Variants in CA8 observed in about 807,000 individuals in gnomAD.
The protein encoded by CA8 is carbonic anhydrase-related protein.
In CA8, 22 loss-of-function variants were observed where a neutral mutation model predicts 41.4. The observed-to-expected ratio is 0.53, with a 90% CI of 0.38 to 0.76. The LOEUF (loss-of-function observed/expected upper bound fraction) is 0.76, where lower values mean the gene tolerates loss of function less well. Among genes scored for constraint, CA8 ranks in the 30% least tolerant of loss-of-function variants. The probability of loss-of-function intolerance (pLI) is 0.00; values close to 1 mark genes in which losing one functional copy is unlikely to be tolerated. For synonymous variants in CA8, 121 were observed against 130.6 expected (o/e 0.93, Z 0.50); for missense variants, 270 against 352.8 (o/e 0.77, Z 1.88).
At chr8:60,250,887 C>T (rs752807370) in intron 3 of CA8, among the ~76,000 whole-genome samples, 2 of 152,060 alleles carry the variant, frequency 1.3e-5, no homozygotes, top group Non-Finnish European at 2.9e-5. Flanking sequence ...ATTCTTTGTC[C>T]CCAACCTACC....
At chr8:60,249,813 T>C (rs79587441) in intron 3 of CA8, among the ~76,000 whole-genome samples, 5,929 of 152,294 alleles carry the variant, frequency 0.039, 171 homozygotes, top group South Asian at 0.13. Flanking sequence ...ATCTCTTATT[T>C]TCACATCAAT....
intron 6 of CA8, among the ~76,000 whole-genome samples, chr8:60,224,225 GCATGAGC>G (rs1286899915): frequency 6.6e-6 from 1 of 152,142 alleles, no homozygotes; most frequent in Non-Finnish European, 1.5e-5. Flanking sequence ...GGGATTACAG[GCATGAGC>G]CACCACACCC....
intron 3 of CA8, among the ~76,000 whole-genome samples, chr8:60,263,560 A>C (rs1253141481): frequency 1.3e-5 from 2 of 152,160 alleles, no homozygotes; most frequent in African/African-American, 2.4e-5. Flanking sequence ...CTGGAAAAAA[A>C]ACCATGTTCC....
intron 3 of CA8, among the ~76,000 whole-genome samples, chr8:60,235,606 T>C (rs1415845969): frequency 2.6e-5 from 4 of 152,230 alleles, no homozygotes; most frequent in African/African-American, 7.2e-5. Context: ...TTTTATCATA[T>C]TGTGCCTTAT....
intron 2 of CA8, among the ~76,000 whole-genome samples, chr8:60,268,407 A>G (rs1279888865): frequency 6.6e-6 from 1 of 152,204 alleles, no homozygotes; most frequent in East Asian, 1.9e-4. Flanking sequence ...GTCATATGGA[A>G]ATGAATGATA....
chr8:60,244,851 T>C (rs1220675565), intron 3 of CA8, among the ~76,000 whole-genome samples: 1 of 152,212 alleles, frequency 6.6e-6, no homozygotes, highest in Non-Finnish European at 1.5e-5. Context: ...ATTGCAATTA[T>C]CTAAAGCAAA....
chr8:60,194,400 G>C (rs1806220407), intron 8 of CA8, among the ~76,000 whole-genome samples: 1 of 152,282 alleles, frequency 6.6e-6, no homozygotes, highest in East Asian at 1.9e-4. Flanking sequence ...CTGCAGAGAA[G>C]TCACCTGGGC....
At chr8:60,229,615 C>T (rs1278479542) in intron 4 of CA8, among the ~76,000 whole-genome samples, 2 of 152,182 alleles carry the variant, frequency 1.3e-5, no homozygotes, top group African/African-American at 4.8e-5. Flanking sequence ...CCCCATTCCA[C>T]CTGAGCAAAC....
intron 8 of CA8, among the ~76,000 whole-genome samples, chr8:60,201,749 T>C (rs368358211): frequency 6.6e-6 from 1 of 152,180 alleles, no homozygotes. Flanking sequence ...AATACTTCCA[T>C]TTAATTGACA....
intron 3 of CA8, among the ~76,000 whole-genome samples, chr8:60,233,440 A>G (rs750622259): frequency 6.6e-6 from 1 of 152,218 alleles, no homozygotes; most frequent in Non-Finnish European, 1.5e-5. Context: ...TCCTCTACCA[A>G]TAATAGAACA....
chr8:60,212,112 A>G (rs1806856430), intron 7 of CA8, among the ~76,000 whole-genome samples: 1 of 152,208 alleles, frequency 6.6e-6, no homozygotes, highest in South Asian at 2.1e-4. Context: ...AGAAGTCGCC[A>G]TCTTCTGAAG....
At chr8:60,248,787 G>A (rs1278550155) in intron 3 of CA8, among the ~76,000 whole-genome samples, 1 of 152,106 alleles carries the variant, frequency 6.6e-6, no homozygotes, top group Non-Finnish European at 1.5e-5. Context: ...ATTCTGTGAA[G>A]AATGTCAATG....
chr8:60,255,860 C>T (rs1808617287), intron 3 of CA8, among the ~76,000 whole-genome samples: 1 of 151,982 alleles, frequency 6.6e-6, no homozygotes, highest in Non-Finnish European at 1.5e-5. Context: ...CATTTTCCAC[C>T]ATTACATGAG....
chr8:60,261,405 C>A (rs948803165), intron 3 of CA8, among the ~76,000 whole-genome samples: 22 of 152,098 alleles, frequency 1.4e-4, no homozygotes, highest in African/African-American at 2.4e-5. Flanking sequence ...TATGGCTAGA[C>A]CTCCTTTTTG....
At chr8:60,227,502 C>T (rs776912700) in intron 4 of CA8, among the ~76,000 whole-genome samples, 1 of 151,450 alleles carries the variant, frequency 6.6e-6, no homozygotes, top group Non-Finnish European at 1.5e-5. Context: ...ACTCACTTTG[C>T]TATATGTAGT....
chr8:60,216,302 T>C (rs940639568), intron 7 of CA8, among the ~76,000 whole-genome samples: 4 of 149,364 alleles, frequency 2.7e-5, no homozygotes, highest in African/African-American at 9.8e-5. Flanking sequence ...CCTAAGATTA[T>C]AATTTTTTCT....
intron 8 of CA8, among the ~76,000 whole-genome samples, chr8:60,206,344 T>C (rs2130413633): frequency 6.6e-6 from 1 of 152,254 alleles, no homozygotes; most frequent in East Asian, 1.9e-4. Flanking sequence ...TTTCTCTGTG[T>C]GTGTGTGTGC....
At chr8:60,266,899 C>T (rs1803917582) in intron 2 of CA8, among the ~76,000 whole-genome samples, 1 of 152,166 alleles carries the variant, frequency 6.6e-6, no homozygotes, top group South Asian at 2.1e-4. Flanking sequence ...GGGCATTTTT[C>T]CTCTAGCAAC....
At chr8:60,243,430 TAA>T (rs200587653) in intron 3 of CA8, among the ~76,000 whole-genome samples, 67 of 141,356 alleles carry the variant, frequency 4.7e-4, no homozygotes, top group Admixed American at 9.1e-4. Flanking sequence ...TTCTCCTCTT[TAA>T]AAAAAAAAAA....
Sources: allele counts gnomAD v4.1 joint callset (sites outside exome capture counted in the v4.1 genomes callset), GRCh38; gene constraint gnomAD v4.1.1; transcripts MANE v1.5; gene names NCBI Gene and HGNC (gene_info 2026-07-23, HGNC 2026-07-21).